FGF14: variants seen among roughly 807,000 people sequenced by gnomAD.
The protein encoded by FGF14 is fibroblast growth factor 14.
In FGF14, 5 loss-of-function variants were observed where a neutral mutation model predicts 25.5. The ratio of observed to expected loss-of-function variants is 0.20; its 90% CI spans 0.10 to 0.41. FGF14 has a LOEUF of 0.41. Among genes scored for constraint, FGF14 ranks in the 10% least tolerant of loss-of-function variants. The pLI, the probability that FGF14 is intolerant of heterozygous loss-of-function variation, is 1.00. For synonymous variants in FGF14, 138 were observed against 118.3 expected (o/e 1.17, Z -1.08); for missense variants, 222 against 320.1 (o/e 0.69, Z 2.34).
At chr13:102,017,261 T>C (rs537550531) in intron 1 of FGF14, among the ~76,000 whole-genome samples, 2 of 152,282 alleles carry the variant, frequency 1.3e-5, no homozygotes, top group Admixed American at 1.3e-4. Context: ...CACCCTAGAC[T>C]GCTAAAGTAT....
At chr13:102,092,353 T>C (rs1020810892) in intron 1 of FGF14, among the ~76,000 whole-genome samples, 4 of 152,236 alleles carry the variant, frequency 2.6e-5, no homozygotes, top group African/African-American at 7.2e-5. Context: ...CTAAGTGCCA[T>C]TGCACTTATC....
intron 1 of FGF14, among the ~76,000 whole-genome samples, chr13:102,219,152 G>C (rs2050500532): frequency 6.6e-6 from 1 of 152,120 alleles, no homozygotes; most frequent in South Asian, 2.1e-4. Context: ...TCACCCTGTT[G>C]TGCTAACTCA....
intron 1 of FGF14, among the ~76,000 whole-genome samples, chr13:102,217,751 C>A (rs1440447580): frequency 1.3e-5 from 2 of 152,134 alleles, no homozygotes; most frequent in Non-Finnish European, 2.9e-5. Context: ...CAACATGCAA[C>A]CAACGCAGCA....
Position 101,721,877 on chromosome 13 carries a change from T to TAATG in FGF14, c.*950_*953dup, listed in dbSNP as rs2035018491. ...ATTTTCCTTTTTTTTTTTTTCCAAA[T>TAATG]AATGAGAATTAATAGATGAAAAATG... On this transcript the variant is annotated 3_prime_UTR_variant, in exon 5 of 5. Coordinates refer to ENST00000376143, the MANE Select transcript of FGF14 (RefSeq NM_004115.4). The TAATG allele has an allele frequency of 1.3e-5, 2 of 149,772 alleles. No individual in the cohort carries two copies. Among genetic ancestry groups the TAATG allele is most frequent in the Admixed American group, 1.3e-4 (2 of 14,958 alleles). 9.3% of individuals were successfully genotyped at this position (149,772 alleles called of 1,614,324 possible).
At chr13:101,936,001 G>C (rs2139278179) in intron 1 of FGF14, among the ~76,000 whole-genome samples, 1 of 152,314 alleles carries the variant, frequency 6.6e-6, no homozygotes, top group East Asian at 1.9e-4. Flanking sequence ...AAATTTTTAA[G>C]GTAGTCATAG....
chr13:101,836,366 A>C (rs2042928226), intron 3 of FGF14, among the ~76,000 whole-genome samples: 1 of 152,044 alleles, frequency 6.6e-6, no homozygotes, highest in Non-Finnish European at 1.5e-5. Context: ...AATTAGATAA[A>C]TAAAGATGTT....
At chr13:102,394,275 G>GCAGC (rs1265893929) in intron 1 of FGF14, 2 of 152,444 alleles carry the variant, frequency 1.3e-5, no homozygotes, top group Admixed American at 6.5e-5. Context: ...GAGGGCCAAG[G>GCAGC]CAGCCACCTG....
intron 1 of FGF14, among the ~76,000 whole-genome samples, chr13:102,006,163 T>C (rs1437106289): frequency 6.6e-6 from 1 of 152,118 alleles, no homozygotes; most frequent in Non-Finnish European, 1.5e-5. Flanking sequence ...TTGGGGAAAA[T>C]GTTAACAAGG....
Position 101,904,746 on chromosome 13 carries a change from T to C in FGF14, c.193+11707A>G, listed in dbSNP as rs146684682. On this transcript the variant is annotated intron_variant, in intron 1 of 4. Transcript: ENST00000376143. ...TCAGTTTCACTTGACTATACAACCATGCAGAAAGTAAAAATGATAACATTT... is the reference window on the plus strand; with the variant it reads ...TCAGTTTCACTTGACTATACAACCACGCAGAAAGTAAAAATGATAACATTT... Among the ~76,000 whole-genome samples the C allele has an allele frequency of 8.6e-4, 131 of 152,300 alleles. 1 individual carries two copies. Among genetic ancestry groups the C allele is most frequent in the African/African-American group, 2.9e-3 (120 of 41,572 alleles).
chr13:102,351,810 G>T (rs1050570413), intron 1 of FGF14, among the ~76,000 whole-genome samples: 8 of 152,356 alleles, frequency 5.3e-5, no homozygotes, highest in African/African-American at 1.9e-4. Flanking sequence ...GAGAGCCAAG[G>T]TGGCTTTTGT....
chr13:102,213,273 T>G (rs1404014630), intron 1 of FGF14, among the ~76,000 whole-genome samples: 1 of 152,210 alleles, frequency 6.6e-6, no homozygotes, highest in Non-Finnish European at 1.5e-5. Context: ...GGACTATATG[T>G]TAATACAGTA....
intron 1 of FGF14, among the ~76,000 whole-genome samples, chr13:101,996,274 C>T (rs2139701094): frequency 6.6e-6 from 1 of 152,284 alleles, no homozygotes; most frequent in Admixed American, 6.5e-5. Flanking sequence ...TGAGGCAGAT[C>T]ATGGCAGACC....
intron 1 of FGF14, 59 bp from the exon 2 acceptor site, chr13:101,875,355 CT>C (rs2045336938): frequency 2.6e-6 from 3 of 1,174,280 alleles, no homozygotes; most frequent in Non-Finnish European, 2.6e-6. Flanking sequence ...TTTCCTTTAT[CT>C]TTTCTGTTTC....
In FGF14 at chr13:102,400,001, G is replaced by A. The variant is rs1487957505; in HGVS notation, c.208+1470C>T. On this transcript the variant is annotated intron_variant, in intron 1 of 4. Transcript: ENST00000376131. This position sits in a 1 kb window ranked among gnomAD's most constrained non-coding sequence, Gnocchi z 4.3. Reference sequence around the variant, plus strand: ...AACTCGCAGTTTCTCCTTTGCTGCAGGAATGGTGGCCGCAAACGGTCTCAG... The same window carrying A: ...AACTCGCAGTTTCTCCTTTGCTGCAAGAATGGTGGCCGCAAACGGTCTCAG... 2.0e-5 allele frequency among the ~76,000 whole-genome samples: 3 copies of A among 152,160 alleles called. No homozygotes were observed. Among genetic ancestry groups the A allele is most frequent in the Non-Finnish European group, 4.4e-5 (3 of 68,030 alleles).
intron 1 of FGF14, among the ~76,000 whole-genome samples, chr13:102,154,691 TA>T (rs1416155367): frequency 4.6e-5 from 7 of 152,134 alleles, no homozygotes; most frequent in African/African-American, 1.7e-4. Context: ...GTAAATGGGC[TA>T]AATGCTCCAA....
chr13:101,868,564 A>C, intron 3 of FGF14, 161 bp downstream of exon 3: 1 of 670,014 alleles, frequency 1.5e-6, no homozygotes, highest in East Asian at 2.8e-5. Context: ...ATTACTAAAC[A>C]CTGGTGAATA....
chr13:102,162,456 T>G (rs1304344285), intron 1 of FGF14, among the ~76,000 whole-genome samples: 4 of 152,238 alleles, frequency 2.6e-5, no homozygotes, highest in African/African-American at 9.6e-5. Context: ...AATCAATTCT[T>G]TTATATGAGA....
chr13:102,049,472 C>CA (rs2042126924), intron 1 of FGF14, among the ~76,000 whole-genome samples: 1 of 151,858 alleles, frequency 6.6e-6, no homozygotes, highest in African/African-American at 2.4e-5. Flanking sequence ...TTCAAAACAA[C>CA]AAAAAAATAG....
intron 1 of FGF14, among the ~76,000 whole-genome samples, chr13:102,035,685 T>A (rs1295500020): frequency 1.3e-5 from 2 of 152,228 alleles, no homozygotes; most frequent in African/African-American, 4.8e-5. Context: ...TAATAACATC[T>A]TAATAACTTT....
Sources: allele counts gnomAD v4.1 joint callset (sites outside exome capture counted in the v4.1 genomes callset), GRCh38; gene constraint gnomAD v4.1.1; non-coding constraint Gnocchi (gnomAD v3.1); transcripts MANE v1.5; gene names NCBI Gene and HGNC (gene_info 2026-07-23, HGNC 2026-07-21).